Variants in ANK2 observed in about 807,000 individuals in gnomAD.
ANK2 encodes the protein ankyrin 2.
Under a neutral mutation model 360.5 loss-of-function variants are expected in ANK2, and 83 were observed. That is an observed-to-expected ratio of 0.23 (90% CI 0.19 to 0.28). The LOEUF is 0.28. Ranked by LOEUF, ANK2 falls within the 10% of genes least tolerant of loss-of-function variation. ANK2 has a pLI of 1.00. For missense variants in ANK2, 4,201 were observed against 4,795.7 expected, an observed-to-expected ratio of 0.88 and a Z score of 3.66; for synonymous variants, 1,740 against 1,759.5, an observed-to-expected ratio of 0.99 and a Z score of 0.28.
At position 113,354,784 on chromosome 4, in the gene ANK2, C is replaced by T. The variant is rs760019211; in HGVS notation, c.6166C>T (p.Leu2056Phe). 2 of 1,614,010 alleles carry T rather than the reference C, an allele frequency of 1.2e-6. No individual in the cohort carries two copies. The highest frequency in any genetic ancestry group is 2.2e-5 in the South Asian group (2 of 91,056). The change falls in exon 38 of 46, where the codon CTC becomes TTC. Residue 2056 changes from leucine to phenylalanine, a missense_variant. Leu to Phe is a conservative substitution (Grantham distance 22). Transcript: ENST00000357077. ...ENQTIKRGQR[L>F]PVTGTAESKR... is the part of the protein sequence containing the mutation. ...TCAGACAATCAAACGAGGCCAGAGA[C>T]TCCCGGTAACGGGCACAGCAGAATC...
At chr4:112,830,056 T>G (rs1216180227) in intron 1 of ANK2, among the ~76,000 whole-genome samples, 2 of 152,182 alleles carry the variant, frequency 1.3e-5, no homozygotes, top group Admixed American at 6.5e-5. Flanking sequence ...CTGGTGGGAA[T>G]GTAAACTAGG....
intron 37 of ANK2, among the ~76,000 whole-genome samples, chr4:113,351,158 T>G (rs1289235910): frequency 1.3e-5 from 2 of 152,184 alleles, no homozygotes; most frequent in African/African-American, 2.4e-5. Flanking sequence ...TTTAAAAATC[T>G]GATTTTTAAA....
intron 4 of ANK2, among the ~76,000 whole-genome samples, chr4:113,207,286 A>T (rs2098963197): frequency 6.6e-6 from 1 of 152,228 alleles, no homozygotes; most frequent in Non-Finnish European, 1.5e-5. Flanking sequence ...TTATTCTGAA[A>T]TTTGAATGAA....
chr4:112,843,243 G>A (rs189052706), intron 1 of ANK2, among the ~76,000 whole-genome samples: 35 of 152,308 alleles, frequency 2.3e-4, no homozygotes, highest in Admixed American at 2.3e-3. Context: ...AGCCTTCACG[G>A]AGATGTACAA....
At chr4:112,728,991 C>G in the ANK2 span, among the ~76,000 whole-genome samples, 1 of 152,060 alleles carries the variant, frequency 6.6e-6, no homozygotes, top group African/African-American at 2.4e-5. Flanking sequence ...AGGTCTACAT[C>G]AGCCCAGGAG....
At chr4:112,861,052 G>A (rs2067838669) in intron 1 of ANK2, among the ~76,000 whole-genome samples, 2 of 152,166 alleles carry the variant, frequency 1.3e-5, no homozygotes, top group South Asian at 2.1e-4. Flanking sequence ...GCTTTGCTGA[G>A]AGGCAAAGAA....
intron 45 of ANK2, chr4:113,378,252 G>A (rs2097030680): frequency 1.6e-6 from 1 of 635,618 alleles, no homozygotes; most frequent in Non-Finnish European, 2.4e-6. Flanking sequence ...AAGAAAAGAA[G>A]GGGAGAATCC....
rs916155758 is a variant in ANK2 at position 112,828,971 on chromosome 4, T to C, written c.-40+10707T>C. Among the ~76,000 whole-genome samples the C allele has an allele frequency of 4.6e-5, 7 of 152,202 alleles. No homozygotes were observed. The South Asian group carries it at 1.5e-3, about 32-fold the overall frequency. On this transcript the variant is annotated intron_variant, in intron 1 of 30. Coordinates refer to the ANK2 transcript ENST00000503271. ...GAGTTTGAGAACAGGCTGGCCAATG[T>C]GGTGAAACCCTGTCTCTACTAAAAG...
chr4:113,360,983 C>A lies in ANK2; in HGVS notation c.10756+86C>A. The A allele has an allele frequency of 4.2e-6, 5 of 1,194,664 alleles. No homozygotes were observed. The Admixed American group carries it at 5.9e-5, about 14-fold the overall frequency. The allele number at this position is 1,194,664 out of a possible 1,614,324, so 74.0% of individuals were successfully genotyped here. Reference sequence around the variant, plus strand: ...CATTCACAGCATAAAAGGTACCCCCCACTTTCTTGAGAAAGAATACATGAA... The same window carrying A: ...CATTCACAGCATAAAAGGTACCCCCAACTTTCTTGAGAAAGAATACATGAA... On this transcript the variant is annotated intron_variant, in intron 39 of 45. Transcript: ENST00000357077.
chr4:112,931,433 C>CTTTTTTTT (rs59802557), intron 2 of ANK2, among the ~76,000 whole-genome samples: 14 of 85,234 alleles, frequency 1.6e-4, no homozygotes, highest in African/African-American at 3.8e-4. Context: ...TCTTTCTTTT[C>CTTTTTTTT]TTTTTTTTTT....
chr4:112,929,417 C>A (rs952657428), intron 2 of ANK2, among the ~76,000 whole-genome samples: 2 of 152,194 alleles, frequency 1.3e-5, no homozygotes, highest in Non-Finnish European at 2.9e-5. Context: ...AAATTGCCTT[C>A]AGAATTATGA....
intron 1 of ANK2, among the ~76,000 whole-genome samples, chr4:113,068,033 ATCATTTGGATAGCCAT>A (rs1306809773): frequency 6.6e-6 from 1 of 152,186 alleles, no homozygotes; most frequent in Admixed American, 6.5e-5. Flanking sequence ...AGTTCCTGGG[ATCATTTGGATAGCCAT>A]TCCCAAAGAA....
chr4:112,792,630 A>T, the ANK2 span, among the ~76,000 whole-genome samples: 1 of 152,200 alleles, frequency 6.6e-6, no homozygotes, highest in African/African-American at 2.4e-5. Flanking sequence ...TAAATATTTT[A>T]TATAACTATA....
At chr4:112,837,833 A>G (rs62317065) in intron 1 of ANK2, among the ~76,000 whole-genome samples, 15,190 of 152,264 alleles carry the variant, frequency 0.1, 962 homozygotes, top group Non-Finnish European at 0.14. Flanking sequence ...ACCTCATTGT[A>G]TCTTGGAAAT....
intron 2 of ANK2, among the ~76,000 whole-genome samples, chr4:113,013,828 T>C (rs1209182334): frequency 3.9e-5 from 6 of 152,220 alleles, no homozygotes. Context: ...AAATATCTGC[T>C]TTGTCCTATT....
chr4:113,345,976 A>G lies in ANK2; in HGVS notation c.4325A>G (p.His1442Arg), dbSNP rs1314149675. The G allele has an allele frequency of 1.9e-6, 3 of 1,613,774 alleles. No individual in the cohort carries two copies. Among genetic ancestry groups the G allele is most frequent in the African/African-American group, 2.7e-5 (2 of 75,034 alleles). The change falls in exon 35 of 46, where the codon CAT becomes CGT. Residue 1442 changes from histidine (H) to arginine (R), a missense_variant. Around this residue, in one of 4 missense-constraint regions of ANK2, gnomAD observed 1,268 missense variants for 1,650.8 expected, o/e 0.77. Transcript: ENST00000357077. ...CCAAAATCCACGAGAGGCCTGGTGCATCAAGCTATTTGCAACTTAAACATC... is the reference window on the plus strand; with the variant it reads ...CCAAAATCCACGAGAGGCCTGGTGCGTCAAGCTATTTGCAACTTAAACATC... ...KEPKSTRGLV[H>R]QAICNLNITL...
intron 4 of ANK2, among the ~76,000 whole-genome samples, chr4:113,223,538 G>A (rs569967372): frequency 6.6e-6 from 1 of 152,266 alleles, no homozygotes; most frequent in African/African-American, 2.4e-5. Context: ...ATTTAGAGCT[G>A]TAGATTTTAG....
At chr4:113,049,211 G>A (rs1426663425), upstream of ANK2, among the ~76,000 whole-genome samples, 1 of 152,118 alleles carries the variant, frequency 6.6e-6, no homozygotes, top group African/African-American at 2.4e-5. Context: ...GAAAAACATA[G>A]CTTTCTTATA....
At chr4:112,890,557 T>TTTTTTG (rs2079690195) in intron 1 of ANK2, among the ~76,000 whole-genome samples, 10 of 42,588 alleles carry the variant, frequency 2.3e-4, no homozygotes, top group Non-Finnish European at 3.1e-4. Flanking sequence ...ATTTCTGTGG[T>TTTTTTG]TTTTTTTTTT....
Sources: allele counts gnomAD v4.1 joint callset (sites outside exome capture counted in the v4.1 genomes callset), GRCh38; gene constraint gnomAD v4.1.1; regional missense constraint gnomAD v4.1.1; transcripts MANE v1.5; gene names NCBI Gene and HGNC (gene_info 2026-07-23, HGNC 2026-07-21).